Variants in ARHGAP24 observed in about 807,000 individuals in gnomAD.
The protein encoded by ARHGAP24 is rho GTPase-activating protein 24.
Under a neutral mutation model 76.4 loss-of-function variants are expected in ARHGAP24, and 50 were observed. That is an observed-to-expected ratio of 0.65 (90% CI 0.52 to 0.83). The LOEUF (loss-of-function observed/expected upper bound fraction) is 0.83. ARHGAP24 is among the 40% of genes least tolerant of loss of function. The pLI, the probability that ARHGAP24 is intolerant of heterozygous loss-of-function variation, is 0.00. For synonymous variants in ARHGAP24, 345 were observed against 323.3 expected (o/e 1.07, Z -0.72); for missense variants, 930 against 914.2 (o/e 1.02, Z -0.22).
intron 2 of ARHGAP24, among the ~76,000 whole-genome samples, chr4:85,674,525 A>G (rs561051830): frequency 6.6e-6 from 1 of 152,384 alleles, no homozygotes; most frequent in East Asian, 1.9e-4. Flanking sequence ...AAATGCATGT[A>G]TAACTTATCT....
At chr4:85,859,172 C>T (rs1263320816) in intron 3 of ARHGAP24, among the ~76,000 whole-genome samples, 1 of 150,150 alleles carries the variant, frequency 6.7e-6, no homozygotes, top group Admixed American at 6.7e-5. Context: ...TGTGCACACA[C>T]ACACATATAC....
chr4:85,550,565 T>G (rs1726091962), intron 1 of ARHGAP24, among the ~76,000 whole-genome samples: 1 of 152,198 alleles, frequency 6.6e-6, no homozygotes, highest in South Asian at 2.1e-4. Flanking sequence ...AAAAGTCTTT[T>G]TTTTTCCTAA....
intron 2 of ARHGAP24, among the ~76,000 whole-genome samples, chr4:85,720,334 T>C (rs1724884260): frequency 6.6e-6 from 1 of 152,064 alleles, no homozygotes; most frequent in Non-Finnish European, 1.5e-5. Context: ...TTTGAAAAAT[T>C]TCAGACAAGA....
At chr4:85,580,267 A>C (rs1408869797) in intron 2 of ARHGAP24, among the ~76,000 whole-genome samples, 1 of 152,172 alleles carries the variant, frequency 6.6e-6, no homozygotes, top group Non-Finnish European at 1.5e-5. Context: ...GAGCAAAGAC[A>C]AATGAATCTC....
intron 3 of ARHGAP24, among the ~76,000 whole-genome samples, chr4:85,805,894 A>C (rs974739669): frequency 3.9e-5 from 6 of 152,208 alleles, no homozygotes; most frequent in Non-Finnish European, 1.5e-5. Flanking sequence ...TCGTCTCTCT[A>C]GAAGAATGCA....
chr4:85,962,495 G>GTA lies in ARHGAP24; in HGVS notation c.600-9536_600-9535dup, dbSNP rs199607560. On this transcript the variant is annotated intron_variant, in intron 5 of 9. Coordinates refer to ENST00000395184, the MANE Select transcript of ARHGAP24 (RefSeq NM_001025616.3). Reference sequence around the variant, plus strand: ...AATCTATTGTATGGTGGATATTATAGTATATAGTATAGGTGCTATTTGTTA... The same window carrying GTA: ...AATCTATTGTATGGTGGATATTATAGTATATATAGTATAGGTGCTATTTGTTA... 6.2e-3 allele frequency among the ~76,000 whole-genome samples: 947 copies of GTA among 152,094 alleles called. 7 individuals are homozygous for GTA. Among genetic ancestry groups the GTA allele is most frequent in the Middle Eastern group, 0.027 (8 of 294 alleles).
chr4:85,842,444 A>C (rs1730652020), intron 3 of ARHGAP24, among the ~76,000 whole-genome samples: 1 of 152,198 alleles, frequency 6.6e-6, no homozygotes, highest in Non-Finnish European at 1.5e-5. Context: ...GTGGTCAGAA[A>C]TAAACAGTGT....
intron 1 of ARHGAP24, among the ~76,000 whole-genome samples, chr4:85,549,520 G>GA (rs755468218): frequency 3.9e-5 from 6 of 151,924 alleles, no homozygotes; most frequent in African/African-American, 7.3e-5. Flanking sequence ...GGAGTCATTT[G>GA]TATATTATGG....
chr4:85,864,790 G>A (rs1342875299), intron 3 of ARHGAP24, among the ~76,000 whole-genome samples: 2 of 152,052 alleles, frequency 1.3e-5, no homozygotes, highest in African/African-American at 4.8e-5. Flanking sequence ...ACCAGTTAGG[G>A]AGAGGGAATT....
At chr4:85,487,435 AAT>A (rs1397956957) in intron 1 of ARHGAP24, among the ~76,000 whole-genome samples, 1 of 98,282 alleles carries the variant, frequency 1.0e-5, no homozygotes, top group African/African-American at 3.9e-5. Context: ...TAAATATATA[AAT>A]ATATATTTAT....
chr4:85,668,660 T>G (rs1393712031), intron 2 of ARHGAP24, among the ~76,000 whole-genome samples: 1 of 152,086 alleles, frequency 6.6e-6, no homozygotes, highest in Non-Finnish European at 1.5e-5. Context: ...TTTTAACATC[T>G]TACTCTGTCT....
At chr4:85,556,889 G>C (rs1204851309) in intron 1 of ARHGAP24, among the ~76,000 whole-genome samples, 1 of 151,744 alleles carries the variant, frequency 6.6e-6, no homozygotes, top group Non-Finnish European at 1.5e-5. Context: ...CATTCTGAGA[G>C]CCCAGGAGGG....
At chr4:85,849,433 C>T (rs1731089632) in intron 3 of ARHGAP24, among the ~76,000 whole-genome samples, 1 of 152,172 alleles carries the variant, frequency 6.6e-6, no homozygotes, top group South Asian at 2.1e-4. Flanking sequence ...ATCGAATAGC[C>T]TTTATTTCTT....
At chr4:85,682,790 T>G (rs1331010293) in intron 2 of ARHGAP24, among the ~76,000 whole-genome samples, 2 of 152,170 alleles carry the variant, frequency 1.3e-5, no homozygotes, top group African/African-American at 2.4e-5. Flanking sequence ...TTAAGAGTAT[T>G]GGACTCTCTG....
chr4:85,715,072 T>C (rs1041913914), intron 2 of ARHGAP24, among the ~76,000 whole-genome samples: 3 of 152,130 alleles, frequency 2.0e-5, no homozygotes, highest in African/African-American at 7.2e-5. Context: ...TACAGAGTAA[T>C]TGGGTAAATT....
intron 1 of ARHGAP24, among the ~76,000 whole-genome samples, chr4:85,501,261 A>C (rs745468636): frequency 1.1e-4 from 16 of 152,158 alleles, no homozygotes; most frequent in Admixed American, 3.9e-4. Context: ...GGCTGGGTCA[A>C]ATGGTATTTC....
At chr4:85,607,802 C>T (rs1012419205) in intron 2 of ARHGAP24, among the ~76,000 whole-genome samples, 1 of 148,336 alleles carries the variant, frequency 6.7e-6, no homozygotes, top group African/African-American at 2.5e-5. Context: ...ATAGCTACGC[C>T]GTGCCAACTT....
chr4:85,857,038 G>A (rs1731617773), intron 3 of ARHGAP24, among the ~76,000 whole-genome samples: 1 of 151,828 alleles, frequency 6.6e-6, no homozygotes, highest in South Asian at 2.1e-4. Flanking sequence ...TTCCATTTTT[G>A]TTGTTGCTGC....
chr4:85,621,639 G>A (rs951191636), intron 2 of ARHGAP24, among the ~76,000 whole-genome samples: 1 of 151,406 alleles, frequency 6.6e-6, no homozygotes, highest in South Asian at 2.1e-4. Flanking sequence ...GATTTATTTA[G>A]GTTCTTTATA....
Sources: allele counts gnomAD v4.1 joint callset (sites outside exome capture counted in the v4.1 genomes callset), GRCh38; gene constraint gnomAD v4.1.1; transcripts MANE v1.5; gene names NCBI Gene and HGNC (gene_info 2026-07-23, HGNC 2026-07-21).